KCNJ4: variants seen among roughly 807,000 people sequenced by gnomAD.
KCNJ4 encodes the protein inward rectifier potassium channel 4.
A neutral mutation model predicts 25.6 loss-of-function variants in KCNJ4; 3 were observed. The ratio of observed to expected loss-of-function variants is 0.12; its 90% CI spans 0.05 to 0.30. The LOEUF is 0.30. KCNJ4 is among the 10% of genes least tolerant of loss of function. KCNJ4 has a pLI of 1.00. For synonymous variants in KCNJ4, 257 were observed against 283.9 expected (o/e 0.91, Z 0.95); for missense variants, 286 against 666.8 (o/e 0.43, Z 6.29).
Position 38,427,074 on chromosome 22 carries a change from C to T in KCNJ4, c.1059G>A (p.Leu353=). Reference sequence around the variant, plus strand: ...GCAGCACGGTGATCTTACTCTCCTGCAGCTCCCGGGCCGAGCAGCAGGGCG... The same window carrying T: ...GCAGCACGGTGATCTTACTCTCCTGTAGCTCCCGGGCCGAGCAGCAGGGCG... ...AGTPCCSARE[L]QESKITVLPA... Residue 353 remains leucine (L), a synonymous_variant, in exon 2 of 2, where the codon CTG becomes CTA. Coordinates refer to ENST00000303592, the MANE Select transcript of KCNJ4 (RefSeq NM_152868.3). 6.2e-7 allele frequency: 1 copy of T among 1,612,768 alleles called. No individual in the cohort carries two copies. The highest frequency in any genetic ancestry group is 8.5e-7 in the Non-Finnish European group (1 of 1,179,940).
chr22:38,452,782 C>T (rs1275495494), intron 1 of KCNJ4, among the ~76,000 whole-genome samples: 2 of 151,872 alleles, frequency 1.3e-5, no homozygotes, highest in Non-Finnish European at 2.9e-5. Context: ...ATCTCTTCCC[C>T]AGCTAGCCTG....
intron 1 of KCNJ4, among the ~76,000 whole-genome samples, chr22:38,451,767 C>T (rs968604739): frequency 1.3e-5 from 2 of 152,102 alleles, no homozygotes; most frequent in Admixed American, 1.3e-4. Context: ...TTTTGTAAAA[C>T]AATGGCCCTG....
In KCNJ4 at chr22:38,443,903, T is replaced by C. The variant is rs2089355356; in HGVS notation, c.-40+11077A>G. 6.6e-6 allele frequency among the ~76,000 whole-genome samples: 1 copy of C among 151,978 alleles called. No individual in the cohort carries two copies. Among genetic ancestry groups the C allele is most frequent in the Non-Finnish European group, 1.5e-5 (1 of 67,992 alleles). ...GCCCCGCCTCAGAGAGGTCCTGCCC[T>C]CTCTGACTGCACCCCCTCCACTCTC... On this transcript the variant is annotated intron_variant, in intron 1 of 1. Coordinates refer to ENST00000303592, the MANE Select transcript of KCNJ4 (RefSeq NM_152868.3). This position sits in a 1 kb window ranked among gnomAD's most constrained non-coding sequence, Gnocchi z 4.1.
chr22:38,432,285 A>AAATAAATAAAT (rs10632921), intron 1 of KCNJ4, among the ~76,000 whole-genome samples: 1,659 of 120,750 alleles, frequency 0.014, 28 homozygotes, highest in African/African-American at 0.067. Flanking sequence ...ATAAATAAAT[A>AAATAAATAAAT]AAATAAAATA....
intron 1 of KCNJ4, among the ~76,000 whole-genome samples, chr22:38,442,278 G>C (rs1258828255): frequency 6.6e-6 from 1 of 152,186 alleles, no homozygotes; most frequent in African/African-American, 2.4e-5. Flanking sequence ...GCCGGGCGCG[G>C]TGGCTCACGC....
chr22:38,442,460 T>C (rs1354143445), intron 1 of KCNJ4, among the ~76,000 whole-genome samples: 1 of 147,290 alleles, frequency 6.8e-6, no homozygotes, highest in Non-Finnish European at 1.5e-5. Context: ...GGAAGGAGAA[T>C]GGTGTGAACC....
intron 1 of KCNJ4, among the ~76,000 whole-genome samples, chr22:38,448,641 C>T (rs1403512148): frequency 6.6e-6 from 1 of 152,206 alleles, no homozygotes; most frequent in East Asian, 1.9e-4. Context: ...GAGGGGCCGG[C>T]AGCCCTGGGA....
rs575858158 is a variant in KCNJ4, at chr22:38,438,581, C to T, written c.-39-10410G>A. ...GCAGGCGCCTGTACTCCCAGCTACCCGGGAGGCTGAGGCATGAGAATCGCT... is the reference window on the plus strand; with the variant it reads ...GCAGGCGCCTGTACTCCCAGCTACCTGGGAGGCTGAGGCATGAGAATCGCT... On this transcript the variant is annotated intron_variant, in intron 1 of 1. Coordinates refer to ENST00000303592, the MANE Select transcript of KCNJ4 (RefSeq NM_152868.3). Among the ~76,000 whole-genome samples, 3 of 148,830 alleles carry T rather than the reference C, an allele frequency of 2.0e-5. No homozygotes were observed. In the South Asian group the frequency reaches 6.4e-4, roughly 32 times the overall value.
At position 38,443,102 on chromosome 22, in the gene KCNJ4, C is replaced by T. The variant is rs113449420; in HGVS notation, c.-40+11878G>A. Among the ~76,000 whole-genome samples the T allele has an allele frequency of 1.9e-3, 287 of 152,270 alleles. 3 individuals carry two copies. The highest frequency in any genetic ancestry group is 6.3e-3 in the African/African-American group (263 of 41,534). Reference sequence around the variant, plus strand: ...CACCTCCTAGTCTCCCCTCAGCCCCCTCCAGAGCTCCTCTGTGCCCCCTTC... The same window carrying T: ...CACCTCCTAGTCTCCCCTCAGCCCCTTCCAGAGCTCCTCTGTGCCCCCTTC... On this transcript the variant is annotated intron_variant, in intron 1 of 1. Coordinates refer to ENST00000303592, the MANE Select transcript of KCNJ4 (RefSeq NM_152868.3). This position sits in a 1 kb window ranked among gnomAD's most constrained non-coding sequence, Gnocchi z 4.1.
At chr22:38,428,288 T>G in intron 1 of KCNJ4, 117 bp from the exon 2 acceptor site, 2 of 951,486 alleles carry the variant, frequency 2.1e-6, no homozygotes, top group East Asian at 2.5e-5. Context: ...GACCTAAGAC[T>G]TCCTCTGCCC....
rs911141851 is a variant in KCNJ4 at position 38,443,557 on chromosome 22, C to T, written c.-40+11423G>A. 2.0e-5 allele frequency among the ~76,000 whole-genome samples: 3 copies of T among 152,224 alleles called. No homozygotes were observed. Among genetic ancestry groups the T allele is most frequent in the African/African-American group, 7.2e-5 (3 of 41,464 alleles). On this transcript the variant is annotated intron_variant, in intron 1 of 1. Coordinates refer to ENST00000303592, the MANE Select transcript of KCNJ4 (RefSeq NM_152868.3). This position sits in a 1 kb window ranked among gnomAD's most constrained non-coding sequence, Gnocchi z 4.1. ...CATCATCCTCCAGCCCTCCCTAAGC[C>T]CAACCGCAATAACAATGGGTTAATA...
rs768666777 is a variant in KCNJ4, at chr22:38,435,695, G to GA, written c.-39-7525dup. 1.9e-3 allele frequency among the ~76,000 whole-genome samples: 258 copies of GA among 134,470 alleles called. 2 individuals carry two copies. Among genetic ancestry groups the GA allele is most frequent in the South Asian group, 0.012 (50 of 4,206 alleles). The allele number at this position is 134,470 out of a possible 152,430, so 88.2% of individuals were successfully genotyped here. On this transcript the variant is annotated intron_variant, in intron 1 of 1. Coordinates refer to ENST00000303592, the MANE Select transcript of KCNJ4 (RefSeq NM_152868.3). Reference sequence around the variant, plus strand: ...GCAACAGAGCGAGACTCTGTCTCGGGAAAAAAAAAAAAAAAGAAATAGACA... The same window carrying GA: ...GCAACAGAGCGAGACTCTGTCTCGGGAAAAAAAAAAAAAAAAGAAATAGACA...
At chr22:38,428,263 G>T in intron 1 of KCNJ4, 92 bp from the exon 2 acceptor site, 1 of 1,224,608 alleles carries the variant, frequency 8.2e-7, no homozygotes, top group Non-Finnish European at 1.1e-6. Context: ...TCAGAAGCAG[G>T]TGAGCCTGGA....
intron 1 of KCNJ4, among the ~76,000 whole-genome samples, chr22:38,437,629 G>A (rs576673659): frequency 3.9e-5 from 6 of 152,332 alleles, no homozygotes; most frequent in East Asian, 3.9e-4. Flanking sequence ...ACAGGCGGCC[G>A]GATGTGTGTG....
At chr22:38,435,855 G>C (rs1367835716) in intron 1 of KCNJ4, among the ~76,000 whole-genome samples, 1 of 152,098 alleles carries the variant, frequency 6.6e-6, no homozygotes, top group Non-Finnish European at 1.5e-5. Flanking sequence ...GGGAGGAAGA[G>C]AACTCAAGAC....
chr22:38,426,964 T>C lies in KCNJ4; in HGVS notation c.1169A>G (p.Glu390Gly). The C allele has an allele frequency of 6.2e-7, 1 of 1,612,506 alleles. No homozygotes were observed. The highest frequency in any genetic ancestry group is 8.5e-7 in the Non-Finnish European group (1 of 1,179,776). ...GGCCACCGCGGCCGCCGCAGCTGCC[T>C]CCTCCTCCATCTCCTCTTCCTCCTG... ...MSQEEEEMEE[E>G]AAAAAAVAAG... The change falls in exon 2 of 2, where the codon GAG becomes GGG. Residue 390 changes from glutamate (E) to glycine (G), a missense_variant. Around this residue, in one of 11 missense-constraint regions of KCNJ4, gnomAD observed 77 missense variants for 97.6 expected, o/e 0.79. Transcript: ENST00000303592.
chr22:38,451,290 C>T (rs893428242), intron 1 of KCNJ4, among the ~76,000 whole-genome samples: 23 of 152,270 alleles, frequency 1.5e-4, no homozygotes, highest in African/African-American at 4.8e-5. Flanking sequence ...TTGAATACCT[C>T]TAGGATTGAG....
intron 1 of KCNJ4, among the ~76,000 whole-genome samples, chr22:38,446,080 A>G (rs1287906377): frequency 6.6e-6 from 1 of 152,228 alleles, no homozygotes; most frequent in Non-Finnish European, 1.5e-5. Context: ...CCCTGATAAC[A>G]GATGCCATTC....
chr22:38,450,648 G>C (rs576302223), intron 1 of KCNJ4, among the ~76,000 whole-genome samples: 2 of 152,284 alleles, frequency 1.3e-5, no homozygotes, highest in South Asian at 4.1e-4. Flanking sequence ...TGGCACAGGG[G>C]ACAGAGCCCT....
Sources: gnomAD v4.1 joint callset for allele counts (sites outside exome capture counted in the v4.1 genomes callset) on GRCh38, gnomAD v4.1.1 for gene constraint, gnomAD v4.1.1 regional missense constraint, Gnocchi (gnomAD v3.1) non-coding constraint, MANE v1.5 for transcripts, NCBI Gene and HGNC (gene_info 2026-07-23, HGNC 2026-07-21) for gene names.